The following CCDC171 variants were observed in gnomAD, a reference collection of about 807,000 sequenced individuals.
CCDC171 encodes the protein coiled-coil domain-containing protein 171.
Under a neutral mutation model 168.2 loss-of-function variants are expected in CCDC171, and 177 were observed. That is an observed-to-expected ratio of 1.05 (90% CI 0.93 to 1.19). CCDC171 has a LOEUF of 1.19. Among genes scored for constraint, CCDC171 ranks in the 50% most tolerant of loss-of-function variants. The pLI is 0.00. For missense variants in CCDC171, 1,991 were observed against 1,539.0 expected (o/e 1.29, Z -4.91); for synonymous variants, 687 against 540.8 (o/e 1.27, Z -3.75).
At chr9:15,889,919 A>G (rs1819965156) in intron 24 of CCDC171, among the ~76,000 whole-genome samples, 1 of 152,226 alleles carries the variant, frequency 6.6e-6, no homozygotes, top group African/African-American at 2.4e-5. Context: ...CTGGTAGTCC[A>G]TAGGAGCAAC....
chr9:15,585,634 GA>G (rs2041497612), intron 4 of CCDC171, among the ~76,000 whole-genome samples: 1 of 152,136 alleles, frequency 6.6e-6, no homozygotes, highest in Admixed American at 6.6e-5. Context: ...TTTTTGGGTT[GA>G]AAGAAATGTT....
intron 10 of CCDC171, among the ~76,000 whole-genome samples, chr9:15,679,775 G>A (rs1185157394): frequency 2.0e-5 from 3 of 152,118 alleles, no homozygotes; most frequent in African/African-American, 4.8e-5. Flanking sequence ...CACCAAACAA[G>A]TGGCCTCAAG....
intron 3 of CCDC171, among the ~76,000 whole-genome samples, chr9:15,998,172 C>T (rs557352731): frequency 2.3e-4 from 35 of 152,302 alleles, no homozygotes; most frequent in African/African-American, 7.9e-4. Context: ...GCTTCATCCT[C>T]GGTTCCCAGA....
chr9:15,820,239 A>G (rs1272903178), intron 21 of CCDC171, among the ~76,000 whole-genome samples: 3 of 30,378 alleles, frequency 9.9e-5, no homozygotes, highest in Non-Finnish European at 5.4e-4. Flanking sequence ...GAGAAAGCAG[A>G]AAAGATCTAA....
At position 16,044,760 on chromosome 9, in the gene CCDC171, T is replaced by A. The variant is rs562123554; in HGVS notation, n.89+1874T>A. On this transcript the variant is annotated intron_variant and non_coding_transcript_variant, in intron 1 of 1. Coordinates refer to the CCDC171 transcript ENST00000478913. ...TCCCTGCAATGCTCCAGAATTGTTT[T>A]TACAATTCCCATGATGCCCCATGAA... Among the ~76,000 whole-genome samples, 13 of 152,274 alleles carry A rather than the reference T, an allele frequency of 8.5e-5. No individual in the cohort carries two copies. The East Asian group carries it at 1.4e-3, about 16-fold the overall frequency.
chr9:15,612,203 C>T (rs1458404751), intron 6 of CCDC171, among the ~76,000 whole-genome samples: 1 of 152,182 alleles, frequency 6.6e-6, no homozygotes, highest in Non-Finnish European at 1.5e-5. Context: ...TGGACTAAGA[C>T]ATTGTGCCTC....
At chr9:16,081,591 G>A in the CCDC171 span, among the ~76,000 whole-genome samples, 2 of 152,154 alleles carry the variant, frequency 1.3e-5, no homozygotes, top group African/African-American at 2.4e-5. Flanking sequence ...GGCCAAGCTG[G>A]GAACATTTCA....
chr9:16,073,025 T>G, the CCDC171 span, among the ~76,000 whole-genome samples: 1 of 152,260 alleles, frequency 6.6e-6, no homozygotes, highest in Non-Finnish European at 1.5e-5. Flanking sequence ...GCTTTACCTC[T>G]CTAAGCCTGT....
At chr9:15,934,631 C>T (rs1826908809) in intron 25 of CCDC171, among the ~76,000 whole-genome samples, 1 of 151,790 alleles carries the variant, frequency 6.6e-6, no homozygotes, top group African/African-American at 2.4e-5. Flanking sequence ...ACCATATGAC[C>T]CAGCAAATTT....
chr9:15,628,143 G>C (rs2045328430), intron 7 of CCDC171, among the ~76,000 whole-genome samples: 1 of 152,152 alleles, frequency 6.6e-6, no homozygotes, highest in South Asian at 2.1e-4. Flanking sequence ...GAGGTACTGG[G>C]TTCATCTCAC....
In CCDC171 at chr9:15,921,613, T is replaced by C. The variant is rs536875079; in HGVS notation, c.3753+1191T>C. Among the ~76,000 whole-genome samples the C allele has an allele frequency of 5.9e-5, 9 of 151,748 alleles. No individual in the cohort carries two copies. The East Asian group carries it at 1.7e-3, about 29-fold the overall frequency. The stretch of plus-strand genomic sequence containing the variant: ...ATAGTAGGTGCTCAATAAATATTTA[T>C]TGAGTGAAAAGTACGAGTAATCTAT... On this transcript the variant is annotated intron_variant, in intron 25 of 25. Coordinates refer to ENST00000380701, the MANE Select transcript of CCDC171 (RefSeq NM_173550.4).
At chr9:16,004,919 T>A (rs1832652806) in intron 3 of CCDC171, among the ~76,000 whole-genome samples, 1 of 152,104 alleles carries the variant, frequency 6.6e-6, no homozygotes. Context: ...TCCAATTGCA[T>A]CTAAAGTAGA....
At chr9:15,633,136 C>G (rs2132335805) in intron 7 of CCDC171, among the ~76,000 whole-genome samples, 1 of 152,188 alleles carries the variant, frequency 6.6e-6, no homozygotes, top group East Asian at 1.9e-4. Flanking sequence ...TCTGAAACAC[C>G]AAAAGCAATG....
At chr9:15,797,414 C>A (rs1036836223) in intron 21 of CCDC171, among the ~76,000 whole-genome samples, 2 of 152,088 alleles carry the variant, frequency 1.3e-5, no homozygotes, top group African/African-American at 2.4e-5. Flanking sequence ...CGGGGTTTCT[C>A]CATGTTGCCC....
At chr9:15,798,786 T>C (rs1420718824) in intron 21 of CCDC171, among the ~76,000 whole-genome samples, 2 of 152,114 alleles carry the variant, frequency 1.3e-5, no homozygotes, top group Non-Finnish European at 2.9e-5. Context: ...GACTGTGTAG[T>C]TTTTACAGGT....
At chr9:15,918,820 C>T (rs944345609) in intron 24 of CCDC171, among the ~76,000 whole-genome samples, 5 of 151,504 alleles carry the variant, frequency 3.3e-5, no homozygotes, top group African/African-American at 1.2e-4. Flanking sequence ...TAAGATTATA[C>T]TTTCCCAAAC....
intron 11 of CCDC171, among the ~76,000 whole-genome samples, chr9:15,706,562 A>G (rs534827275): frequency 6.6e-6 from 1 of 152,270 alleles, no homozygotes; most frequent in Admixed American, 6.5e-5. Flanking sequence ...TGCTGCGATT[A>G]TAGGTGTAAG....
chr9:15,668,818 A>T (rs1001008674), intron 9 of CCDC171, among the ~76,000 whole-genome samples: 2 of 152,092 alleles, frequency 1.3e-5, no homozygotes. Context: ...ATGATTCTGA[A>T]TTTTTTAAAT....
intron 1 of CCDC171, among the ~76,000 whole-genome samples, chr9:15,562,881 G>A (rs10810399): frequency 0.42 from 62,880 of 150,074 alleles, 14,935 homozygotes; most frequent in East Asian, 0.83. Flanking sequence ...ACAAGATTTT[G>A]GGACAATATC....
Sources: gnomAD v4.1 joint callset for allele counts (sites outside exome capture counted in the v4.1 genomes callset) on GRCh38, gnomAD v4.1.1 for gene constraint, MANE v1.5 for transcripts, NCBI Gene and HGNC (gene_info 2026-07-23, HGNC 2026-07-21) for gene names.